The following CLDN14 variants were observed in gnomAD, a reference collection of about 807,000 sequenced individuals.
The protein encoded by CLDN14 is claudin-14.
In CLDN14, 2 loss-of-function variants were observed where a neutral mutation model predicts 2.1. The observed-to-expected ratio is 0.96, with a 90% confidence interval of 0.39 to 3.01. The LOEUF (loss-of-function observed/expected upper bound fraction) is 3.01, where lower values mean the gene tolerates loss of function less well. CLDN14 is among the 30% of genes most tolerant of loss of function. The pLI is 0.09. For missense variants in CLDN14, 298 were observed against 328.0 expected (o/e 0.91, Z 0.71); for synonymous variants, 136 against 154.4 (o/e 0.88, Z 0.88).
intron 2 of CLDN14, chr21:36,485,894 A>G: frequency 1.5e-6 from 1 of 684,466 alleles, no homozygotes; most frequent in Non-Finnish European, 2.4e-6. Flanking sequence ...TTTAGGCTGT[A>G]ATGGTTACAG....
rs757985305 is a variant in CLDN14, at chr21:36,486,196, G to T, written c.-82+24167C>A. 5.0e-6 allele frequency: 5 copies of T among 1,005,272 alleles called. No individual in the cohort carries two copies. The Admixed American group carries it at 5.1e-5, about 10-fold the overall frequency. 62.3% of individuals were successfully genotyped at this position (1,005,272 alleles called of 1,614,324 possible). On this transcript the variant is annotated intron_variant, in intron 2 of 2. Coordinates refer to the CLDN14 transcript ENST00000342108. ...TGTCCATGGCTGAGCTGGCATCAAT[G>T]TCTACTGATTCCGCCTGGCCAAACT...
chr21:36,531,278 A>G (rs1398743442), intron 1 of CLDN14, among the ~76,000 whole-genome samples: 1 of 149,720 alleles, frequency 6.7e-6, no homozygotes, highest in Non-Finnish European at 1.5e-5. Context: ...ATATATATAT[A>G]TTTGCTATAA....
At chr21:36,564,880 GAGAAAGGGGCCACA>G (rs2087661580) in intron 1 of CLDN14, among the ~76,000 whole-genome samples, 1 of 152,166 alleles carries the variant, frequency 6.6e-6, no homozygotes, top group Non-Finnish European at 1.5e-5. Flanking sequence ...TTTGAAGGTG[GAGAAAGGGGCCACA>G]AGCCAAGGAA....
chr21:36,524,785 C>T (rs1811511657), intron 1 of CLDN14, among the ~76,000 whole-genome samples: 1 of 152,200 alleles, frequency 6.6e-6, no homozygotes, highest in Non-Finnish European at 1.5e-5. Context: ...GTGGAGGTGT[C>T]CTGCCTGGTA....
chr21:36,463,447 C>T (rs1237228278), intron 1 of CLDN14, among the ~76,000 whole-genome samples: 4 of 152,232 alleles, frequency 2.6e-5, no homozygotes, highest in Admixed American at 1.3e-4. Context: ...CTCGGCGGCT[C>T]ACGCCTGTAA....
At chr21:36,572,395 G>A (rs1248792834) in intron 1 of CLDN14, among the ~76,000 whole-genome samples, 4 of 43,554 alleles carry the variant, frequency 9.2e-5, no homozygotes, top group Admixed American at 8.4e-4. Context: ...TTCCCTCTGC[G>A]GAGTCCAGGT....
chr21:36,568,089 G>A lies in CLDN14; in HGVS notation c.-220+8322C>T, dbSNP rs932368001. Among the ~76,000 whole-genome samples the A allele has an allele frequency of 2.6e-5, 4 of 152,186 alleles. No individual in the cohort carries two copies. The East Asian group carries it at 5.8e-4, about 22-fold the overall frequency. On this transcript the variant is annotated intron_variant, in intron 1 of 2. Transcript: ENST00000342108. ...CGCTCTGGGATGAGAGGGCCCTAGAGCTGAATATTAAAGGACAAGTGGGAG... is the reference window on the plus strand; with the variant it reads ...CGCTCTGGGATGAGAGGGCCCTAGAACTGAATATTAAAGGACAAGTGGGAG...
intron 1 of CLDN14, among the ~76,000 whole-genome samples, chr21:36,549,524 T>C (rs549594526): frequency 2.9e-4 from 44 of 152,350 alleles, no homozygotes; most frequent in African/African-American, 1.0e-3. Flanking sequence ...CATTATTCCT[T>C]TGCTTGCTTT....
chr21:36,560,506 GT>G (rs995137173), intron 1 of CLDN14, among the ~76,000 whole-genome samples: 30 of 152,270 alleles, frequency 2.0e-4, no homozygotes, highest in African/African-American at 7.0e-4. Context: ...TGCATATCAT[GT>G]GATTTTTATC....
At chr21:36,470,218 C>T (rs2086693993) in intron 1 of CLDN14, among the ~76,000 whole-genome samples, 1 of 152,128 alleles carries the variant, frequency 6.6e-6, no homozygotes, top group Non-Finnish European at 1.5e-5. Flanking sequence ...GTCTTCCCTG[C>T]TCCCAGTGCC....
chr21:36,572,414 G>A (rs2087716322), intron 1 of CLDN14, among the ~76,000 whole-genome samples: 1 of 152,118 alleles, frequency 6.6e-6, no homozygotes, highest in African/African-American at 2.4e-5. Context: ...GTGTGGGGCT[G>A]TTTCTCCAGC....
intron 1 of CLDN14, among the ~76,000 whole-genome samples, chr21:36,554,895 C>T (rs1052966989): frequency 6.6e-6 from 1 of 152,176 alleles, no homozygotes; most frequent in Non-Finnish European, 1.5e-5. Context: ...CATGACCCTC[C>T]AATTCTAAAA....
intron 2 of CLDN14, among the ~76,000 whole-genome samples, chr21:36,492,732 C>T (rs1349907188): frequency 6.6e-6 from 1 of 152,206 alleles, no homozygotes; most frequent in Non-Finnish European, 1.5e-5. Context: ...AAGACAGCCA[C>T]GTGACGACAG....
intron 1 of CLDN14, among the ~76,000 whole-genome samples, chr21:36,573,597 A>G (rs1368756156): frequency 6.6e-6 from 1 of 152,140 alleles, no homozygotes; most frequent in Non-Finnish European, 1.5e-5. Context: ...CATGGTGAAA[A>G]CTACAACACT....
chr21:36,501,037 C>T (rs1291042118), intron 2 of CLDN14, among the ~76,000 whole-genome samples: 4 of 152,344 alleles, frequency 2.6e-5, no homozygotes, highest in Middle Eastern at 3.4e-3. Context: ...CCGGGGGGTG[C>T]GGCTCAGCCG....
intron 1 of CLDN14, among the ~76,000 whole-genome samples, chr21:36,552,850 C>A (rs2087572412): frequency 6.6e-6 from 1 of 152,176 alleles, no homozygotes; most frequent in African/African-American, 2.4e-5. Context: ...TGATCACCAC[C>A]CCTTTTCTTG....
intron 1 of CLDN14, among the ~76,000 whole-genome samples, chr21:36,516,659 A>G (rs181409865): frequency 6.6e-6 from 1 of 152,360 alleles, no homozygotes; most frequent in African/African-American, 2.4e-5. Flanking sequence ...TGCTGAAAAC[A>G]AAAAGTTTGA....
At chr21:36,568,391 A>T (rs2087687304) in intron 1 of CLDN14, among the ~76,000 whole-genome samples, 2 of 152,190 alleles carry the variant, frequency 1.3e-5, no homozygotes, top group Non-Finnish European at 2.9e-5. Context: ...AGCAATAAGG[A>T]GGCACGAAGT....
In CLDN14 at chr21:36,497,188, AG is replaced by A. The variant is rs1288590103; in HGVS notation, c.-82+13174del. On this transcript the variant is annotated intron_variant, in intron 2 of 2. Coordinates refer to the CLDN14 transcript ENST00000342108. ...GAGGGAGGAAGGGAGGGAGGAAGGG[AG>A]GGAAGGAGGGAGGGAGGAAGGGAGG... Among the ~76,000 whole-genome samples the A allele has an allele frequency of 7.9e-4, 2 of 2,542 alleles. 1 individual carries two copies. Among genetic ancestry groups the A allele is most frequent in the African/African-American group, 1.7e-3 (2 of 1,172 alleles). The allele number at this position is 2,542 out of a possible 152,430, so 1.7% of individuals were successfully genotyped here.
Sources: allele counts gnomAD v4.1 joint callset (sites outside exome capture counted in the v4.1 genomes callset), GRCh38; gene constraint gnomAD v4.1.1; transcripts MANE v1.5; gene names NCBI Gene and HGNC (gene_info 2026-07-23, HGNC 2026-07-21).